EDEM3: variants seen among roughly 807,000 people sequenced by gnomAD.
EDEM3 encodes ER degradation-enhancing alpha-mannosidase-like protein 3.
In EDEM3, 60 loss-of-function variants were observed where a neutral mutation model predicts 110.2. That is an observed-to-expected ratio of 0.54 (90% CI 0.44 to 0.67). EDEM3 has a LOEUF of 0.67. Ranked by LOEUF, EDEM3 falls within the 30% of genes least tolerant of loss-of-function variation. The pLI is 0.00. For synonymous variants in EDEM3, 352 were observed against 382.9 expected, an observed-to-expected ratio of 0.92 and a Z score of 0.94; for missense variants, 996 against 1,121.0, an observed-to-expected ratio of 0.89 and a Z score of 1.59.
intron 6 of EDEM3, among the ~76,000 whole-genome samples, chr1:184,730,395 A>C (rs1415227460): frequency 6.6e-6 from 1 of 152,188 alleles, no homozygotes; most frequent in Non-Finnish European, 1.5e-5. Flanking sequence ...TAGCCTGGGC[A>C]ACATAGTGAG....
chr1:184,742,652 G>C (rs754502764), intron 2 of EDEM3, among the ~76,000 whole-genome samples: 4 of 152,162 alleles, frequency 2.6e-5, no homozygotes, highest in Non-Finnish European at 2.9e-5. Context: ...GCCTCCCAAA[G>C]TGTTGGGATT....
Position 184,694,544 on chromosome 1 carries a change from T to C in EDEM3, c.2390-72A>G. The stretch of plus-strand genomic sequence containing the variant: ...TACTATTACACTTTCCAAAGCATAT[T>C]GGTTTTTGCAACAAGATGAAATAAA... On this transcript the variant is annotated intron_variant, in intron 19 of 19. Transcript: ENST00000318130. 3 of 1,401,248 alleles carry C rather than the reference T, an allele frequency of 2.1e-6. No homozygotes were observed. In the South Asian group the frequency reaches 4.5e-5, roughly 21 times the overall value. 86.8% of individuals were successfully genotyped at this position (1,401,248 alleles called of 1,614,324 possible).
In EDEM3 at chr1:184,692,418, C is replaced by T. The variant is rs1272243888; in HGVS notation, c.*1645G>A. ...CTACTCCCTGACTCAATTATATTTA[C>T]CTGGAATATCTGAATGCAGGTATTT... On this transcript the variant is annotated 3_prime_UTR_variant, in exon 20 of 20. Transcript: ENST00000318130. 1 of 152,084 alleles carries T rather than the reference C, an allele frequency of 6.6e-6. No individual in the cohort carries two copies. Among genetic ancestry groups the T allele is most frequent in the Non-Finnish European group, 1.5e-5 (1 of 67,986 alleles). 9.4% of individuals were successfully genotyped at this position (152,084 alleles called of 1,614,324 possible).
In EDEM3 at chr1:184,754,669, G is replaced by T; in HGVS notation, c.-23C>A. The T allele has an allele frequency of 6.6e-7, 1 of 1,524,810 alleles. No homozygotes were observed. The allele number at this position is 1,524,810 out of a possible 1,614,324, so 94.5% of individuals were successfully genotyped here. On this transcript the variant is annotated 5_prime_UTR_variant, in exon 1 of 20. Transcript: ENST00000318130. ...CATGGCCCCGCGGTTCCGCGCACGC[G>T]CAGCTGCTACGCCCGGCCGGTGAGA...
chr1:184,726,191 A>G (rs1651180379), intron 7 of EDEM3, 64 bp downstream of exon 7: 1 of 1,541,894 alleles, frequency 6.5e-7, no homozygotes, highest in South Asian at 1.2e-5. Flanking sequence ...TATTTAACCA[A>G]TGAAGAAGAT....
At chr1:184,738,551 C>T (rs1651957776) in intron 2 of EDEM3, among the ~76,000 whole-genome samples, 1 of 152,068 alleles carries the variant, frequency 6.6e-6, no homozygotes, top group Non-Finnish European at 1.5e-5. Context: ...TAAAAATAGA[C>T]CCATTAGGGT....
At chr1:184,747,425 C>T (rs532233787) in intron 2 of EDEM3, among the ~76,000 whole-genome samples, 3 of 152,212 alleles carry the variant, frequency 2.0e-5, no homozygotes, top group South Asian at 2.1e-4. Flanking sequence ...ACTGTATTCT[C>T]GTTAATATTT....
chr1:184,712,697 C>T (rs1188811796), intron 13 of EDEM3, 99 bp from the exon 14 acceptor site: 2 of 781,144 alleles, frequency 2.6e-6, no homozygotes, highest in African/African-American at 3.6e-5. Flanking sequence ...CCTGTCTATA[C>T]CAACTTAGAT....
chr1:184,749,466 G>T, intron 2 of EDEM3, 81 bp downstream of exon 2: 2 of 1,080,602 alleles, frequency 1.9e-6, no homozygotes, highest in Non-Finnish European at 2.7e-6. Flanking sequence ...TTGTATTGTA[G>T]GTTTCAAAAT....
chr1:184,703,726 C>G, intron 18 of EDEM3, among the ~76,000 whole-genome samples: 1 of 152,188 alleles, frequency 6.6e-6, no homozygotes, highest in East Asian at 1.9e-4. Context: ...CTCATAGGAC[C>G]TGCTAAGTGC....
chr1:184,736,664 T>A (rs1385673208), intron 4 of EDEM3, among the ~76,000 whole-genome samples: 1 of 152,186 alleles, frequency 6.6e-6, no homozygotes, highest in Non-Finnish European at 1.5e-5. Context: ...AGATTCTAAT[T>A]TAACAATTTT....
chr1:184,719,197 A>G lies in EDEM3; in HGVS notation c.1126T>C (p.Tyr376His). 6.3e-7 allele frequency: 1 copy of G among 1,575,038 alleles called. No homozygotes were observed. The highest frequency in any genetic ancestry group is 8.6e-7 in the Non-Finnish European group (1 of 1,165,136). Residue 376 changes from tyrosine to histidine, a missense_variant, in exon 11 of 20, where the codon TAT becomes CAT. Tyr to His is a moderately conservative substitution (Grantham distance 83). Transcript: ENST00000318130. ...AAATTGTGTTTTTTAATCACCTGAT[A>G]TAACATTTCATGAGTTTCAATAGCA... ...RPAIETHEML[Y>H]QVIKKHNFLP...
rs982492350 is a variant in EDEM3 at position 184,721,211 on chromosome 1, C to T, written c.951+78G>A. ...ATTTTAAAAATTATTTTTACAATGT[C>T]ATTCAGGTAATGGAGTTTCTATAAA... is the stretch of plus-strand genomic sequence containing the variant. On this transcript the variant is annotated intron_variant, in intron 9 of 19. Transcript: ENST00000318130. The T allele has an allele frequency of 7.8e-5, 85 of 1,083,506 alleles. 1 individual carries two copies. The highest frequency in any genetic ancestry group is 1.1e-4 in the Non-Finnish European group (79 of 741,410). 67.1% of individuals were successfully genotyped at this position (1,083,506 alleles called of 1,614,324 possible). A position where few individuals can be genotyped will look rare whatever the true frequency, so the allele number is the denominator to read the frequency against.
chr1:184,715,588 T>C (rs1650501641), intron 13 of EDEM3, among the ~76,000 whole-genome samples: 1 of 152,160 alleles, frequency 6.6e-6, no homozygotes, highest in African/African-American at 2.4e-5. Flanking sequence ...AGATTAGAAT[T>C]CTGACTTAAT....
In EDEM3 at chr1:184,720,509, C is replaced by CTTTTTTTTTTTTTTTT. The variant is rs34268021; in HGVS notation, c.951+764_951+779dup. On this transcript the variant is annotated intron_variant, in intron 9 of 19. Transcript: ENST00000318130. ...AATTTAAACCAGTACATCTCCCATA[C>CTTTTTTTTTTTTTTTT]TTTTTTTTTTTTTTTTTTGAGACGG... 52 of 127,422 alleles carry CTTTTTTTTTTTTTTTT rather than the reference C, an allele frequency of 4.1e-4. 3 individuals are homozygous for CTTTTTTTTTTTTTTTT. The highest frequency in any genetic ancestry group is 6.2e-4 in the Admixed American group (8 of 12,810). 7.9% of individuals were successfully genotyped at this position (127,422 alleles called of 1,614,324 possible). A position where few individuals can be genotyped will look rare whatever the true frequency, so the allele number is the denominator to read the frequency against.
chr1:184,728,760 C>T (rs1651334873), intron 6 of EDEM3, among the ~76,000 whole-genome samples: 1 of 152,110 alleles, frequency 6.6e-6, no homozygotes, highest in South Asian at 2.1e-4. Context: ...CAGGCACACA[C>T]CACTACATCC....
chr1:184,700,858 G>A (rs1162443043), intron 19 of EDEM3, among the ~76,000 whole-genome samples: 1 of 151,870 alleles, frequency 6.6e-6, no homozygotes, highest in Non-Finnish European at 1.5e-5. Flanking sequence ...ACTGTATCTT[G>A]TTGCTAATTA....
chr1:184,702,264 T>C (rs1430357140), intron 19 of EDEM3, among the ~76,000 whole-genome samples: 1 of 152,212 alleles, frequency 6.6e-6, no homozygotes, highest in Non-Finnish European at 1.5e-5. Context: ...AGACATGCTA[T>C]CTTGTTTTTC....
At chr1:184,751,973 G>A (rs1412606023) in intron 1 of EDEM3, among the ~76,000 whole-genome samples, 3 of 152,004 alleles carry the variant, frequency 2.0e-5, no homozygotes, top group Admixed American at 6.6e-5. Context: ...GGCTGGTCTC[G>A]AACTCCCGAC....
Sources: gnomAD v4.1 joint callset for allele counts (sites outside exome capture counted in the v4.1 genomes callset) on GRCh38, gnomAD v4.1.1 for gene constraint, MANE v1.5 for transcripts, NCBI Gene and HGNC (gene_info 2026-07-23, HGNC 2026-07-21) for gene names.